Variants in RFFL observed in about 807,000 individuals in gnomAD.
The protein encoded by RFFL is ring finger and FYVE like domain containing E3 ubiquitin protein ligase, also known as E3 ubiquitin-protein ligase rififylin.
A neutral mutation model predicts 40.4 loss-of-function variants in RFFL; 16 were observed. The observed-to-expected ratio is 0.40, with a 90% CI of 0.27 to 0.60. RFFL has a LOEUF of 0.60. Among genes scored for constraint, RFFL ranks in the 20% least tolerant of loss-of-function variants. RFFL has a pLI of 0.47. For missense variants in RFFL, 367 were observed against 451.7 expected, an observed-to-expected ratio of 0.81 and a Z score of 1.70; for synonymous variants, 154 against 167.9, an observed-to-expected ratio of 0.92 and a Z score of 0.64.
intron 1 of RFFL, among the ~76,000 whole-genome samples, chr17:35,048,635 T>A (rs1597830318): frequency 6.6e-6 from 1 of 152,118 alleles, no homozygotes; most frequent in Non-Finnish European, 1.5e-5. Context: ...CCATTGCTAA[T>A]GAGTTTGTTA....
chr17:35,016,328 A>C, intron 5 of RFFL, 42 bp downstream of exon 5: 1 of 1,566,614 alleles, frequency 6.4e-7, no homozygotes, highest in Non-Finnish European at 8.8e-7. Flanking sequence ...GACAGCAAAC[A>C]CTCCTGAGCT....
chr17:35,014,267 T>TA (rs1435818204), intron 6 of RFFL, among the ~76,000 whole-genome samples: 1 of 152,160 alleles, frequency 6.6e-6, no homozygotes, highest in Non-Finnish European at 1.5e-5. Context: ...AGAGTAGCTC[T>TA]AACCATTACC....
chr17:35,069,795 A>G (rs971521832), intron 1 of RFFL: 3 of 152,660 alleles, frequency 2.0e-5, no homozygotes, highest in African/African-American at 7.2e-5. Flanking sequence ...CCATGTAACA[A>G]GGAAGAAAAC....
chr17:35,074,772 A>T (rs1322730971), intron 1 of RFFL, among the ~76,000 whole-genome samples: 2 of 152,206 alleles, frequency 1.3e-5, no homozygotes, highest in Admixed American at 6.5e-5. Flanking sequence ...ATCACATAGC[A>T]AAAGAAGTGC....
chr17:35,050,616 C>G (rs1347006810), intron 1 of RFFL, among the ~76,000 whole-genome samples: 1 of 151,894 alleles, frequency 6.6e-6, no homozygotes, highest in Non-Finnish European at 1.5e-5. Flanking sequence ...GCCTCAGCTT[C>G]CCAAACTGTT....
chr17:35,045,465 C>G (rs2091193630), intron 1 of RFFL, among the ~76,000 whole-genome samples: 1 of 151,766 alleles, frequency 6.6e-6, no homozygotes, highest in Non-Finnish European at 1.5e-5. Flanking sequence ...AACTCCTGAC[C>G]TCAAGTGATT....
chr17:35,014,778 G>C lies in RFFL; in HGVS notation c.887-15C>G, dbSNP rs757170748. 6 of 1,612,406 alleles carry C rather than the reference G, an allele frequency of 3.7e-6. No individual in the cohort carries two copies. The Admixed American group carries it at 1.0e-4, about 27-fold the overall frequency. Reference sequence around the variant, plus strand: ...GGCACCACTGACTGAAAAGGAAAGAGAAGGATGTCTGAATAGGTAAGGCAT... The same window carrying C: ...GGCACCACTGACTGAAAAGGAAAGACAAGGATGTCTGAATAGGTAAGGCAT... On this transcript the variant is annotated splice_polypyrimidine_tract_variant and intron_variant, in intron 5 of 6. Coordinates refer to ENST00000394597, the MANE Select transcript of RFFL (RefSeq NM_001017368.2).
intron 1 of RFFL, among the ~76,000 whole-genome samples, chr17:35,054,976 G>A (rs1259575190): frequency 6.6e-6 from 1 of 150,868 alleles, no homozygotes; most frequent in Non-Finnish European, 1.5e-5. Context: ...GGAGTGCAGT[G>A]GCGCGATTTT....
chr17:35,051,207 G>A (rs1481106617), intron 1 of RFFL, among the ~76,000 whole-genome samples: 1 of 152,162 alleles, frequency 6.6e-6, no homozygotes, highest in Middle Eastern at 3.2e-3. Flanking sequence ...ACATGCATAT[G>A]GGTAAAGGCA....
At chr17:35,088,181 G>A (rs567345676) in intron 1 of RFFL, among the ~76,000 whole-genome samples, 48 of 152,288 alleles carry the variant, frequency 3.2e-4, no homozygotes, top group Admixed American at 1.1e-3. Flanking sequence ...TGCACCCCGG[G>A]ATGTTTGCTC....
At chr17:35,012,263 A>C in intron 6 of RFFL, 114 bp from the exon 7 acceptor site, 1 of 844,594 alleles carries the variant, frequency 1.2e-6, no homozygotes. Context: ...TTGTAAACAA[A>C]GTCTCAGTGC....
chr17:35,065,229 G>A (rs561001127), upstream of RFFL, among the ~76,000 whole-genome samples: 169 of 151,792 alleles, frequency 1.1e-3, no homozygotes, highest in Non-Finnish European at 1.5e-3. Flanking sequence ...AAAATGATTA[G>A]AAAAGCTCCT....
intron 1 of RFFL, among the ~76,000 whole-genome samples, chr17:35,055,824 T>C (rs1274846824): frequency 6.6e-6 from 1 of 152,110 alleles, no homozygotes; most frequent in African/African-American, 2.4e-5. Flanking sequence ...ATTAGAAGCA[T>C]AAGGCTTTTT....
chr17:35,065,610 G>A (rs2091317069), upstream of RFFL, among the ~76,000 whole-genome samples: 1 of 151,486 alleles, frequency 6.6e-6, no homozygotes, highest in Non-Finnish European at 1.5e-5. Flanking sequence ...CTATGCCCAG[G>A]AGACAGATAC....
chr17:35,066,098 A>G (rs1244233557), upstream of RFFL, among the ~76,000 whole-genome samples: 5 of 152,220 alleles, frequency 3.3e-5, no homozygotes, highest in Admixed American at 3.3e-4. Flanking sequence ...AATCCAGCCC[A>G]GGCGACAGAA....
chr17:35,052,476 G>C (rs568067997), intron 1 of RFFL, among the ~76,000 whole-genome samples: 1 of 152,104 alleles, frequency 6.6e-6, no homozygotes, highest in Non-Finnish European at 1.5e-5. Context: ...CTAATGAGGA[G>C]AGAATGAGGC....
At chr17:35,048,468 TCA>T (rs1320578689) in intron 1 of RFFL, among the ~76,000 whole-genome samples, 1 of 152,118 alleles carries the variant, frequency 6.6e-6, no homozygotes. Context: ...CTAATCAGGT[TCA>T]GTTTAGTTTT....
intron 4 of RFFL, 90 bp from the exon 5 acceptor site, chr17:35,016,670 T>G (rs1191732691): frequency 9.9e-7 from 1 of 1,008,338 alleles, no homozygotes; most frequent in Non-Finnish European, 1.5e-6. Flanking sequence ...CACATCATAA[T>G]TTTGGTGACT....
intron 1 of RFFL, among the ~76,000 whole-genome samples, chr17:35,071,088 C>T (rs187886342): frequency 2.5e-3 from 382 of 150,522 alleles, no homozygotes; most frequent in Non-Finnish European, 3.7e-3. Flanking sequence ...GTCCCAGCTA[C>T]TTGAGAGGGT....
Sources: allele counts gnomAD v4.1 joint callset (sites outside exome capture counted in the v4.1 genomes callset), GRCh38; gene constraint gnomAD v4.1.1; transcripts MANE v1.5; gene names NCBI Gene and HGNC (gene_info 2026-07-23, HGNC 2026-07-21).